PNRC1: variants seen among roughly 807,000 people sequenced by gnomAD.
The protein encoded by PNRC1 is proline rich nuclear receptor coactivator 1, also known as proline-rich nuclear receptor coactivator 1.
PNRC1 carries 6 observed loss-of-function variants against 20.2 expected under a neutral mutation model. That is an observed-to-expected ratio of 0.30 (90% CI 0.16 to 0.59). The LOEUF (loss-of-function observed/expected upper bound fraction) is 0.59. Among genes scored for constraint, PNRC1 ranks in the 20% least tolerant of loss-of-function variants. PNRC1 has a pLI of 0.89. For synonymous variants in PNRC1, 202 were observed against 186.9 expected, an observed-to-expected ratio of 1.08 and a Z score of -0.66; for missense variants, 488 against 430.2, an observed-to-expected ratio of 1.13 and a Z score of -1.19.
chr6:89,081,549 G>GGGGGGGGGGGGGGGGGGGGGGGGC, intron 1 of PNRC1, 115 bp downstream of exon 1: 1 of 182,296 alleles, frequency 5.5e-6, no homozygotes, highest in Non-Finnish European at 1.1e-5. Context: ...GGTGGGGGGG[G>GGGGGGGGGGGGGGGGGGGGGGGGC]CGGCTGTTTA....
Position 89,083,997 on chromosome 6 carries a change from C to T in PNRC1, c.785C>T (p.Ser262Leu), listed in dbSNP as rs754149624. The change falls in exon 2 of 2, where the codon TCG (serine) becomes TTG (leucine). Residue 262 changes from serine to leucine, a missense_variant. Physicochemically the swap from Ser to Leu is moderately radical, Grantham distance 145. Transcript: ENST00000336032. ...PFKNTENIKN[S>L]HLKKSAFLTE... is the part of the protein sequence containing the mutation. ...AAAAATACCGAGAACATTAAAAATT[C>T]GCATTTGAAGAAATCAGCATTTCTA... is the stretch of plus-strand genomic sequence containing the variant. 3 of 1,613,686 alleles carry T rather than the reference C, an allele frequency of 1.9e-6. No individual in the cohort carries two copies. The highest frequency in any genetic ancestry group is 1.7e-5 in the Admixed American group (1 of 59,932).
At position 89,081,179 on chromosome 6, in the gene PNRC1, G is replaced by A. The variant is rs1767977004; in HGVS notation, c.285G>A (p.Lys95=). ...GAGGCACTCCTCGGGCAGCGCCGAAGAAGCGGCGAAAGAAGAAGGTGCGGG... is the reference window on the plus strand; with the variant it reads ...GAGGCACTCCTCGGGCAGCGCCGAAAAAGCGGCGAAAGAAGAAGGTGCGGG... ...VAGGTPRAAP[K]KRRKKKVRAS... The change falls in exon 1 of 2, where the codon AAG becomes AAA. Residue 95 remains lysine, a synonymous_variant. Transcript: ENST00000336032. 2 of 1,586,722 alleles carry A rather than the reference G, an allele frequency of 1.3e-6. No individual in the cohort carries two copies. The highest frequency in any genetic ancestry group is 1.3e-5 in the African/African-American group (1 of 74,650).
intron 1 of PNRC1, 22 bp from the exon 2 acceptor site, chr6:89,083,731 T>G (rs1253405610): frequency 6.5e-7 from 1 of 1,530,054 alleles, no homozygotes; most frequent in East Asian, 2.3e-5. Context: ...CTATATTTAC[T>G]TTTGTGTTCT....
Position 89,081,154 on chromosome 6 carries a change from G to T in PNRC1, c.260G>T (p.Gly87Val). Residue 87 changes from glycine to valine, a missense_variant, in exon 1 of 2, where the codon GGA becomes GTA. Transcript: ENST00000336032. ...CCCAACCGCAGCCTCGCCGTGGCGG[G>T]AGGCACTCCTCGGGCAGCGCCGAAG... is the stretch of plus-strand genomic sequence containing the variant. Reference protein sequence around the residue: ...ALPNRSLAVAGGTPRAAPKKR... With the variant: ...ALPNRSLAVAVGTPRAAPKKR... 3.1e-6 allele frequency: 5 copies of T among 1,601,968 alleles called. No individual in the cohort carries two copies. Among genetic ancestry groups the T allele is most frequent in the South Asian group, 2.2e-5 (2 of 90,666 alleles).
intron 1 of PNRC1, 136 bp from the exon 2 acceptor site, chr6:89,083,617 T>A: frequency 1.6e-6 from 1 of 637,778 alleles, no homozygotes. Flanking sequence ...ATACGTGTTG[T>A]CACAAAGAAC....
At position 89,080,775 on chromosome 6, in the gene PNRC1, T is replaced by G; in HGVS notation, c.-120T>G. On this transcript the variant is annotated 5_prime_UTR_variant, in exon 1 of 2. Transcript: ENST00000336032. Reference sequence around the variant, plus strand: ...TGTTGCTGCGCCGCCACCGCCCGAGTCATGTTCCGCGATCTTCTCAGGCTC... The same window carrying G: ...TGTTGCTGCGCCGCCACCGCCCGAGGCATGTTCCGCGATCTTCTCAGGCTC... 1 of 946,770 alleles carries G rather than the reference T, an allele frequency of 1.1e-6. No individual in the cohort carries two copies. Among genetic ancestry groups the G allele is most frequent in the Non-Finnish European group, 1.6e-6 (1 of 614,184 alleles). The allele number at this position is 946,770 out of a possible 1,614,324, so 58.6% of individuals were successfully genotyped here. A position where few individuals can be genotyped will look rare whatever the true frequency, so the allele number is the denominator to read the frequency against.
Position 89,084,331 on chromosome 6 carries a change from A to G in PNRC1, c.*135A>G, listed in dbSNP as rs543575735. 3.5e-4 allele frequency: 211 copies of G among 601,710 alleles called. No individual in the cohort carries two copies. The highest frequency in any genetic ancestry group is 5.8e-4 in the Non-Finnish European group (198 of 339,198). The allele number at this position is 601,710 out of a possible 1,614,324, so 37.3% of individuals were successfully genotyped here. On this transcript the variant is annotated 3_prime_UTR_variant, in exon 2 of 2. Coordinates refer to ENST00000336032, the MANE Select transcript of PNRC1 (RefSeq NM_006813.3). ...AAGATGAGTTTAAAAAATTACATAC[A>G]AACAGCTTGTATTATATTTTATATT... is the stretch of plus-strand genomic sequence containing the variant.
Position 89,083,844 on chromosome 6 carries a change from TAAAC to T in PNRC1, c.634_637del (p.Asn212AspfsTer10). The T allele has an allele frequency of 1.9e-6, 3 of 1,614,056 alleles. No homozygotes were observed. The highest frequency in any genetic ancestry group is 2.5e-6 in the Non-Finnish European group (3 of 1,179,996). ...ATACACTTGTATGAGCAACCAAAGA[TAAAC>T]AGACAGAAAAGCAAATATAACTTGC... is the stretch of plus-strand genomic sequence containing the variant. On this transcript the variant is annotated frameshift_variant, in exon 2 of 2. Transcript: ENST00000336032. LOFTEE classifies it high-confidence loss of function.
At position 89,080,829 on chromosome 6, in the gene PNRC1, A is replaced by G. The variant is rs114364131; in HGVS notation, c.-66A>G. ...TAGCAGCATCCATCGCCGCCACCCT[A>G]TCTTCACTGGCTTCATTCACCTTCT... is the stretch of plus-strand genomic sequence containing the variant. On this transcript the variant is annotated 5_prime_UTR_variant, in exon 1 of 2. Transcript: ENST00000336032. 1.0e-3 allele frequency: 1,488 copies of G among 1,449,384 alleles called. 8 individuals are homozygous for G. In the African/African-American group the frequency reaches 0.026, roughly 25 times the overall value. 89.8% of individuals were successfully genotyped at this position (1,449,384 alleles called of 1,614,324 possible).
At chr6:89,083,610 C>G (rs892884223) in intron 1 of PNRC1, 143 bp from the exon 2 acceptor site, 2 of 612,436 alleles carry the variant, frequency 3.3e-6, no homozygotes, top group African/African-American at 3.7e-5. Flanking sequence ...CAGCTACATA[C>G]GTGTTGTCAC....
Position 89,084,448 on chromosome 6 carries a change from G to GC in PNRC1, c.*255dup, listed in dbSNP as rs1176025373. 4 of 315,826 alleles carry GC rather than the reference G, an allele frequency of 1.3e-5. No individual in the cohort carries two copies. The East Asian group carries it at 2.5e-4, about 20-fold the overall frequency. 19.6% of individuals were successfully genotyped at this position (315,826 alleles called of 1,614,324 possible). ...GTTATGAAAGTATGTATTTTGCCCT[G>GC]CCCACATTGCAGGTGTTTTGTATAT... On this transcript the variant is annotated 3_prime_UTR_variant, in exon 2 of 2. Coordinates refer to ENST00000336032, the MANE Select transcript of PNRC1 (RefSeq NM_006813.3).
At chr6:89,081,844 C>G (rs1768007704) in intron 1 of PNRC1, 1 of 153,580 alleles carries the variant, frequency 6.5e-6, no homozygotes, top group South Asian at 2.0e-4. Flanking sequence ...GAGGCGAGGC[C>G]GGGTGGGGGC....
Position 89,081,018 on chromosome 6 carries a change from T to A in PNRC1, c.124T>A (p.Leu42Ile), listed in dbSNP as rs141030892. 8.5e-5 allele frequency: 137 copies of A among 1,612,192 alleles called. No homozygotes were observed. Among genetic ancestry groups the A allele is most frequent in the African/African-American group, 6.7e-4 (50 of 75,000 alleles). ...GATGGTGACCACGGCTCCGCCTCCT[T>A]TACCCCGGATCCCGGACCCCCGGGC... ...LPMVTTAPPP[L>I]PRIPDPRALP... Residue 42 changes from leucine to isoleucine, a missense_variant, in exon 1 of 2, where the codon TTA (leucine) becomes ATA (isoleucine). Leu to Ile is a conservative substitution (Grantham distance 5, BLOSUM62 2). Coordinates refer to ENST00000336032, the MANE Select transcript of PNRC1 (RefSeq NM_006813.3).
Position 89,081,549 on chromosome 6 carries a change from G to GGGGGGGCC in PNRC1, c.540+115_540+116insGGGGGGCC. 2 of 182,296 alleles carry GGGGGGGCC rather than the reference G, an allele frequency of 1.1e-5. 1 individual carries two copies. Among genetic ancestry groups the GGGGGGGCC allele is most frequent in the East Asian group, 3.4e-4 (2 of 5,894 alleles). The allele number at this position is 182,296 out of a possible 1,614,324, so 11.3% of individuals were successfully genotyped here. A position where few individuals can be genotyped will look rare whatever the true frequency, so the allele number is the denominator to read the frequency against. On this transcript the variant is annotated intron_variant, in intron 1 of 1. Coordinates refer to ENST00000336032, the MANE Select transcript of PNRC1 (RefSeq NM_006813.3). ...GGCGGGTGGGGGCGGGGTGGGGGGG[G>GGGGGGGCC]CGGCTGTTTACTCGGGAGGGAAGTT... is the stretch of plus-strand genomic sequence containing the variant.
chr6:89,082,193 A>T (rs959635893), intron 1 of PNRC1: 15 of 152,378 alleles, frequency 9.8e-5, no homozygotes, highest in Admixed American at 3.3e-4. Flanking sequence ...TTAGCAATTG[A>T]ATTGACTTAG....
rs760283811 is a variant in PNRC1 at position 89,081,195 on chromosome 6, A to G, written c.301A>G (p.Lys101Glu). The G allele has an allele frequency of 1.8e-5, 29 of 1,573,562 alleles. No homozygotes were observed. Among genetic ancestry groups the G allele is most frequent in the African/African-American group, 2.7e-5 (2 of 74,170 alleles). Residue 101 changes from lysine to glutamate, a missense_variant, in exon 1 of 2, where the codon AAG (lysine) becomes GAG (glutamate). Lys to Glu is a moderately conservative substitution (Grantham distance 56). Coordinates refer to ENST00000336032, the MANE Select transcript of PNRC1 (RefSeq NM_006813.3). ...AGCGCCGAAGAAGCGGCGAAAGAAG[A>G]AGGTGCGGGCCAGCCCCGCAGGGCA... ...RAAPKKRRKK[K>E]VRASPAGQLP...
Position 89,084,927 on chromosome 6 carries a change from A to T in PNRC1, c.*731A>T, listed in dbSNP as rs1011018036. On this transcript the variant is annotated 3_prime_UTR_variant, in exon 2 of 2. Transcript: ENST00000336032. ...GTGTGGTTGGATTTTTTTGACTTCTACTTTACTGGCTGAGTGTGAGCCGCC... is the reference window on the plus strand; with the variant it reads ...GTGTGGTTGGATTTTTTTGACTTCTTCTTTACTGGCTGAGTGTGAGCCGCC... 6.6e-6 allele frequency: 1 copy of T among 152,032 alleles called. No individual in the cohort carries two copies. Among genetic ancestry groups the T allele is most frequent in the Non-Finnish European group, 1.5e-5 (1 of 68,056 alleles). 9.4% of individuals were successfully genotyped at this position (152,032 alleles called of 1,614,324 possible).
At position 89,081,026 on chromosome 6, in the gene PNRC1, G is replaced by A. The variant is rs1157057670; in HGVS notation, c.132G>A (p.Arg44=). ...MVTTAPPPLP[R]IPDPRALPPT... ...CCACGGCTCCGCCTCCTTTACCCCG[G>A]ATCCCGGACCCCCGGGCACTGCCCC... The change falls in exon 1 of 2, where the codon CGG becomes CGA. Residue 44 remains arginine, a synonymous_variant. Coordinates refer to ENST00000336032, the MANE Select transcript of PNRC1 (RefSeq NM_006813.3). 5.0e-6 allele frequency: 8 copies of A among 1,611,724 alleles called. No homozygotes were observed. Among genetic ancestry groups the A allele is most frequent in the Non-Finnish European group, 6.8e-6 (8 of 1,179,898 alleles).
chr6:89,082,797 T>G (rs1768030604), intron 1 of PNRC1: 1 of 152,236 alleles, frequency 6.6e-6, no homozygotes, highest in African/African-American at 2.4e-5. Context: ...CAGCAAAGAT[T>G]GTTTCTGGCA....
Sources: allele counts gnomAD v4.1 joint callset, GRCh38; gene constraint gnomAD v4.1.1; transcripts MANE v1.5; gene names NCBI Gene and HGNC (gene_info 2026-07-23, HGNC 2026-07-21).